Variants in KLHL29 observed in about 807,000 individuals in gnomAD.
KLHL29 encodes kelch-like protein 29.
KLHL29 carries 21 observed loss-of-function variants against 80.4 expected under a neutral mutation model. That is an observed-to-expected ratio of 0.26 (90% CI 0.19 to 0.38). The LOEUF is 0.38. KLHL29 is among the 10% of genes least tolerant of loss of function. The pLI, the probability that KLHL29 is intolerant of heterozygous loss-of-function variation, is 1.00. For synonymous variants in KLHL29, 511 were observed against 526.8 expected (o/e 0.97, Z 0.41); for missense variants, 867 against 1,223.9 (o/e 0.71, Z 4.35).
intron 5 of KLHL29, among the ~76,000 whole-genome samples, chr2:23,671,143 A>G (rs1670740806): frequency 6.6e-6 from 1 of 151,578 alleles, no homozygotes; most frequent in African/African-American, 2.4e-5. Flanking sequence ...TACCTAGGTA[A>G]CTAAACTGAT....
At chr2:23,663,157 A>G (rs987647881) in intron 5 of KLHL29, among the ~76,000 whole-genome samples, 1 of 152,144 alleles carries the variant, frequency 6.6e-6, no homozygotes, top group African/African-American at 2.4e-5. Flanking sequence ...CCCAGCCCCC[A>G]AACCCCGCAG....
At position 23,696,281 on chromosome 2, in the gene KLHL29, C is replaced by T; in HGVS notation, c.1925-52C>T. 1 of 1,520,246 alleles carries T rather than the reference C, an allele frequency of 6.6e-7. No homozygotes were observed. The highest frequency in any genetic ancestry group is 8.9e-7 in the Non-Finnish European group (1 of 1,120,478). 94.2% of individuals were successfully genotyped at this position (1,520,246 alleles called of 1,614,324 possible). A position where few individuals can be genotyped will look rare whatever the true frequency, so the allele number is the denominator to read the frequency against. On this transcript the variant is annotated intron_variant, in intron 10 of 13. Transcript: ENST00000486442. This position sits in a 1 kb window ranked among gnomAD's most constrained non-coding sequence, Gnocchi z 5.5. ...GCCCCTGGGGCTGGGCCTGCTGACC[C>T]CAGGCCCCTCCTCACCCCGCCCGCT...
intron 1 of KLHL29, among the ~76,000 whole-genome samples, chr2:23,452,885 GA>G (rs978095805): frequency 6.7e-6 from 1 of 150,292 alleles, no homozygotes; most frequent in Non-Finnish European, 1.5e-5. Context: ...TCTGTTGAGG[GA>G]CTCTGAAGAC....
At chr2:23,433,046 A>C (rs986075404) in intron 1 of KLHL29, among the ~76,000 whole-genome samples, 4 of 152,070 alleles carry the variant, frequency 2.6e-5, no homozygotes, top group South Asian at 2.1e-4. Context: ...TGACATTCAG[A>C]GTGTGTGCCC....
Position 23,567,302 on chromosome 2 carries a change from A to G in KLHL29, c.285+4821A>G, listed in dbSNP as rs140922426. Among the ~76,000 whole-genome samples, 121 of 152,302 alleles carry G rather than the reference A, an allele frequency of 7.9e-4. 1 individual carries two copies. Among genetic ancestry groups the G allele is most frequent in the African/African-American group, 2.9e-3 (120 of 41,556 alleles). ...GCTGATGTCTGTGAAATGTACTGGG[A>G]GCTTTTTTTCCTAGTGGTCAGGAGC... On this transcript the variant is annotated intron_variant, in intron 3 of 13. Coordinates refer to ENST00000486442, the MANE Select transcript of KLHL29 (RefSeq NM_052920.2).
intron 3 of KLHL29, among the ~76,000 whole-genome samples, chr2:23,606,177 A>AGAGAGAGAGAGG (rs764181592): frequency 3.2e-5 from 4 of 125,364 alleles, no homozygotes; most frequent in Non-Finnish European, 5.0e-5. Flanking sequence ...TGTGCGTGAG[A>AGAGAGAGAGAGG]GAGAGAGAGA....
chr2:23,624,871 T>G (rs1418434652), intron 3 of KLHL29, among the ~76,000 whole-genome samples: 2 of 152,216 alleles, frequency 1.3e-5, no homozygotes, highest in Non-Finnish European at 2.9e-5. Flanking sequence ...AGTAGAAGAT[T>G]CCCACTGCTT....
intron 2 of KLHL29, among the ~76,000 whole-genome samples, chr2:23,502,070 G>A (rs1035550431): frequency 6.6e-6 from 1 of 152,164 alleles, no homozygotes; most frequent in African/African-American, 2.4e-5. Context: ...TAGCCAGGCC[G>A]GGTGCACATT....
At chr2:23,533,510 C>T (rs932672862) in intron 2 of KLHL29, among the ~76,000 whole-genome samples, 1 of 152,120 alleles carries the variant, frequency 6.6e-6, no homozygotes, top group African/African-American at 2.4e-5. Context: ...AAACAAGGAG[C>T]CCTGGGTCGT....
In KLHL29 at chr2:23,598,528, C is replaced by T. The variant is rs528102108; in HGVS notation, c.285+36047C>T. 1.6e-3 allele frequency among the ~76,000 whole-genome samples: 241 copies of T among 152,328 alleles called. 1 individual carries two copies. The highest frequency in any genetic ancestry group is 5.4e-3 in the African/African-American group (223 of 41,586). ...GTTCCCTGGTGCACAGTGCCTGCTACAGCCATGGACAGCTGTGTGGAAGTC... is the reference window on the plus strand; with the variant it reads ...GTTCCCTGGTGCACAGTGCCTGCTATAGCCATGGACAGCTGTGTGGAAGTC... On this transcript the variant is annotated intron_variant, in intron 3 of 13. Transcript: ENST00000486442.
At chr2:23,464,994 T>G (rs559021240) in intron 1 of KLHL29, among the ~76,000 whole-genome samples, 1 of 152,352 alleles carries the variant, frequency 6.6e-6, no homozygotes, top group East Asian at 1.9e-4. Context: ...CAGCCCTTCC[T>G]CATCTAAACA....
At chr2:23,537,918 G>A (rs1666721370) in intron 2 of KLHL29, among the ~76,000 whole-genome samples, 1 of 152,160 alleles carries the variant, frequency 6.6e-6, no homozygotes, top group Admixed American at 6.5e-5. Context: ...CATGACAGTA[G>A]GAAATACTTC....
At chr2:23,607,256 G>A (rs77566115) in intron 3 of KLHL29, among the ~76,000 whole-genome samples, 1 of 152,168 alleles carries the variant, frequency 6.6e-6, no homozygotes, top group East Asian at 1.9e-4. Context: ...ACCAGGAGGT[G>A]GTGACTCAGA....
At chr2:23,639,631 G>A (rs1340035431) in intron 4 of KLHL29, among the ~76,000 whole-genome samples, 1 of 151,792 alleles carries the variant, frequency 6.6e-6, no homozygotes. Context: ...GTTTTTACTT[G>A]CTGGTGGTTG....
intron 13 of KLHL29, 106 bp from the exon 14 acceptor site, chr2:23,706,375 T>C: frequency 1.1e-6 from 1 of 875,976 alleles, no homozygotes; most frequent in Non-Finnish European, 1.6e-6. Flanking sequence ...AGATGCCTTC[T>C]GCAAAAGGCA....
intron 5 of KLHL29, among the ~76,000 whole-genome samples, chr2:23,649,204 C>T (rs1311904928): frequency 6.6e-6 from 1 of 152,210 alleles, no homozygotes; most frequent in Non-Finnish European, 1.5e-5. Flanking sequence ...ACCAAACCCC[C>T]ATCCCACCCT....
chr2:23,530,638 A>G (rs995812763), intron 2 of KLHL29, among the ~76,000 whole-genome samples: 7 of 152,196 alleles, frequency 4.6e-5, no homozygotes, highest in Non-Finnish European at 8.8e-5. Context: ...AATATTTTTC[A>G]ATGCAGTAAG....
chr2:23,485,136 C>T (rs900305840), intron 2 of KLHL29, among the ~76,000 whole-genome samples: 8 of 152,162 alleles, frequency 5.3e-5, no homozygotes, highest in Admixed American at 1.3e-4. Context: ...ACACCCTACA[C>T]AGGCTGAAAA....
At chr2:23,617,032 G>C (rs1669030494) in intron 3 of KLHL29, 1 of 152,224 alleles carries the variant, frequency 6.6e-6, no homozygotes, top group South Asian at 2.1e-4. Flanking sequence ...GAATCCTTGT[G>C]AAAATATGAA....
Sources: allele counts gnomAD v4.1 joint callset (sites outside exome capture counted in the v4.1 genomes callset), GRCh38; gene constraint gnomAD v4.1.1; non-coding constraint Gnocchi (gnomAD v3.1); transcripts MANE v1.5; gene names NCBI Gene and HGNC (gene_info 2026-07-23, HGNC 2026-07-21).